KCNIP4: variants seen among roughly 807,000 people sequenced by gnomAD.
KCNIP4 encodes the protein Kv channel-interacting protein 4.
In KCNIP4, 12 loss-of-function variants were observed where a neutral mutation model predicts 34.0. That is an observed-to-expected ratio of 0.35 (90% CI 0.23 to 0.57). The LOEUF (loss-of-function observed/expected upper bound fraction) is 0.57. KCNIP4 is among the 20% of genes least tolerant of loss of function. The pLI is 0.83. For missense variants in KCNIP4, 238 were observed against 311.7 expected, an observed-to-expected ratio of 0.76 and a Z score of 1.78; for synonymous variants, 124 against 102.2, an observed-to-expected ratio of 1.21 and a Z score of -1.29.
At chr4:21,365,606 T>C (rs1029661614) in intron 1 of KCNIP4, among the ~76,000 whole-genome samples, 1 of 152,024 alleles carries the variant, frequency 6.6e-6, no homozygotes, top group Non-Finnish European at 1.5e-5. Context: ...TTCCATCATA[T>C]TTACATGTGA....
rs796753878 is a variant in KCNIP4 at position 21,815,270 on chromosome 4, G to A, written c.61+133301C>T. 5.9e-5 allele frequency among the ~76,000 whole-genome samples: 9 copies of A among 152,228 alleles called. No individual in the cohort carries two copies. In the East Asian group the frequency reaches 1.7e-3, roughly 29 times the overall value. ...AGGGGATAAAAATTGTCTTTTGTGA[G>A]AATCAAATGTGCTAATATAAAATGA... On this transcript the variant is annotated intron_variant, in intron 1 of 8. Coordinates refer to ENST00000382152, the MANE Select transcript of KCNIP4 (RefSeq NM_025221.6).
chr4:20,944,359 T>C (rs549351874), intron 1 of KCNIP4, among the ~76,000 whole-genome samples: 1 of 152,268 alleles, frequency 6.6e-6, no homozygotes, highest in African/African-American at 2.4e-5. Context: ...TGCATTTCCA[T>C]AGACCAAAGA....
At chr4:21,103,760 G>T in intron 1 of KCNIP4, among the ~76,000 whole-genome samples, 1 of 103,886 alleles carries the variant, frequency 9.6e-6, no homozygotes, top group Admixed American at 1.4e-4. Context: ...ACAGGCCCCA[G>T]AGTGTGATGT....
chr4:21,357,023 A>G (rs1443724793), intron 1 of KCNIP4, among the ~76,000 whole-genome samples: 2 of 152,074 alleles, frequency 1.3e-5, no homozygotes, highest in African/African-American at 4.8e-5. Context: ...CACATCTACA[A>G]TCTATGATCT....
intron 1 of KCNIP4, among the ~76,000 whole-genome samples, chr4:21,025,491 A>G (rs1740446789): frequency 7.2e-6 from 1 of 138,486 alleles, no homozygotes; most frequent in Admixed American, 7.5e-5. Flanking sequence ...AGAGAGAGAG[A>G]GAGAGAGAGA....
intron 1 of KCNIP4, among the ~76,000 whole-genome samples, chr4:21,892,982 C>T (rs1010667282): frequency 2.0e-5 from 3 of 152,042 alleles, no homozygotes; most frequent in Non-Finnish European, 4.4e-5. Flanking sequence ...AAAGTTAATA[C>T]CCCATTTCGG....
chr4:21,345,410 A>C (rs1717189834), intron 1 of KCNIP4, among the ~76,000 whole-genome samples: 1 of 152,128 alleles, frequency 6.6e-6, no homozygotes, highest in Non-Finnish European at 1.5e-5. Flanking sequence ...CGGTGAGATA[A>C]ATTTTTGTTG....
In KCNIP4 at chr4:21,170,572, C is replaced by T. The variant is rs1183644945; in HGVS notation, c.62-287863G>A. Reference sequence around the variant, plus strand: ...AGGAAAGATCATCCATTTTAAAGAACAAAGAGGCCAAAACAAGCAATATCA... The same window carrying T: ...AGGAAAGATCATCCATTTTAAAGAATAAAGAGGCCAAAACAAGCAATATCA... On this transcript the variant is annotated intron_variant, in intron 1 of 8. Coordinates refer to ENST00000382152, the MANE Select transcript of KCNIP4 (RefSeq NM_025221.6). Among the ~76,000 whole-genome samples the T allele has an allele frequency of 4.6e-5, 7 of 151,972 alleles. No individual in the cohort carries two copies. In the East Asian group the frequency reaches 1.4e-3, roughly 29 times the overall value.
intron 1 of KCNIP4, among the ~76,000 whole-genome samples, chr4:21,936,519 T>C (rs1729870737): frequency 6.6e-6 from 1 of 152,062 alleles, no homozygotes; most frequent in Non-Finnish European, 1.5e-5. Context: ...ACAGGATGGG[T>C]TGTTATATTA....
chr4:21,519,676 ATGT>A, intron 1 of KCNIP4, among the ~76,000 whole-genome samples: 1 of 142,160 alleles, frequency 7.0e-6, no homozygotes, highest in South Asian at 2.3e-4. Context: ...ACGTGTGTGT[ATGT>A]ATGTGTATAT....
intron 1 of KCNIP4, among the ~76,000 whole-genome samples, chr4:21,725,286 A>T (rs1052773085): frequency 6.6e-6 from 1 of 152,168 alleles, no homozygotes; most frequent in Admixed American, 6.6e-5. Context: ...TCCTGTCACA[A>T]CATTCACACC....
At chr4:21,736,041 C>T (rs1041373754) in intron 1 of KCNIP4, among the ~76,000 whole-genome samples, 7 of 152,130 alleles carry the variant, frequency 4.6e-5, no homozygotes, top group Non-Finnish European at 7.3e-5. Flanking sequence ...CTGTTAGAGA[C>T]GGCGTGTGAC....
At chr4:20,892,721 C>T (rs949970707) in intron 1 of KCNIP4, among the ~76,000 whole-genome samples, 1 of 152,170 alleles carries the variant, frequency 6.6e-6, no homozygotes, top group South Asian at 2.1e-4. Context: ...TATTAGCAAA[C>T]AACTGGATGG....
chr4:21,254,283 T>G (rs1190374726), intron 1 of KCNIP4, among the ~76,000 whole-genome samples: 3 of 152,196 alleles, frequency 2.0e-5, no homozygotes, highest in African/African-American at 7.2e-5. Flanking sequence ...TGTACAGTGC[T>G]GGCCCAGTAC....
At chr4:20,987,726 G>A (rs993754235) in intron 1 of KCNIP4, among the ~76,000 whole-genome samples, 3 of 151,962 alleles carry the variant, frequency 2.0e-5, no homozygotes, top group African/African-American at 4.8e-5. Flanking sequence ...TTGGCCGGGC[G>A]CGGTGGCTCA....
At chr4:20,997,065 G>C (rs1332902175) in intron 1 of KCNIP4, among the ~76,000 whole-genome samples, 1 of 123,622 alleles carries the variant, frequency 8.1e-6, no homozygotes, top group Non-Finnish European at 1.7e-5. Flanking sequence ...CATTAGACTA[G>C]GATGGGGGGA....
At chr4:21,548,935 G>A (rs905125362) in intron 1 of KCNIP4, among the ~76,000 whole-genome samples, 1 of 151,868 alleles carries the variant, frequency 6.6e-6, no homozygotes, top group African/African-American at 2.4e-5. Context: ...TTGGGACTGG[G>A]TAATTCTTCA....
chr4:20,888,128 GA>G (rs1284511900), intron 1 of KCNIP4, among the ~76,000 whole-genome samples: 2 of 151,796 alleles, frequency 1.3e-5, no homozygotes. Flanking sequence ...GAATTAAAAT[GA>G]AATATATAAA....
intron 1 of KCNIP4, among the ~76,000 whole-genome samples, chr4:21,022,646 T>C (rs2149750547): frequency 6.6e-6 from 1 of 152,286 alleles, no homozygotes; most frequent in East Asian, 1.9e-4. Context: ...AAATAGTATA[T>C]TAACAATAAT....
Sources: allele counts gnomAD v4.1 joint callset (sites outside exome capture counted in the v4.1 genomes callset), GRCh38; gene constraint gnomAD v4.1.1; transcripts MANE v1.5; gene names NCBI Gene and HGNC (gene_info 2026-07-23, HGNC 2026-07-21).